Variants in SBF2 observed in about 807,000 individuals in gnomAD.
SBF2 encodes SET binding factor 2, also known as myotubularin-related protein 13.
In SBF2, 112 loss-of-function variants were observed where a neutral mutation model predicts 225.2. That is an observed-to-expected ratio of 0.50 (90% CI 0.43 to 0.58). The LOEUF (loss-of-function observed/expected upper bound fraction) is 0.58, where lower values mean the gene tolerates loss of function less well. Among genes scored for constraint, SBF2 ranks in the 20% least tolerant of loss-of-function variants. The pLI is 0.00. For missense variants in SBF2, 1,996 were observed against 2,206.2 expected (o/e 0.90, Z 1.91); for synonymous variants, 763 against 773.3 (o/e 0.99, Z 0.22).
intron 1 of SBF2, among the ~76,000 whole-genome samples, chr11:10,200,630 C>T: frequency 6.6e-6 from 1 of 152,096 alleles, no homozygotes; most frequent in Non-Finnish European, 1.5e-5. Context: ...CAGCTCAGTA[C>T]ATGCATTTTT....
At chr11:10,028,672 A>G in intron 5 of SBF2, 115 bp from the exon 6 acceptor site, 1 of 755,450 alleles carries the variant, frequency 1.3e-6, no homozygotes, top group South Asian at 1.4e-5. Flanking sequence ...GATCCAATTA[A>G]CAGATACAAA....
intron 2 of SBF2, among the ~76,000 whole-genome samples, chr11:10,107,774 T>G (rs1216721786): frequency 6.6e-6 from 1 of 152,218 alleles, no homozygotes; most frequent in African/African-American, 2.4e-5. Flanking sequence ...TTACGGCCCG[T>G]CCTAATACAG....
At chr11:10,066,837 G>C (rs1408750516) in intron 2 of SBF2, among the ~76,000 whole-genome samples, 1 of 152,178 alleles carries the variant, frequency 6.6e-6, no homozygotes, top group Non-Finnish European at 1.5e-5. Flanking sequence ...TCTACAAAGA[G>C]TGGACTCTAC....
chr11:10,022,070 C>T (rs1237415427), intron 6 of SBF2, among the ~76,000 whole-genome samples: 5 of 152,168 alleles, frequency 3.3e-5, no homozygotes, highest in African/African-American at 4.8e-5. Flanking sequence ...CGGCACACTT[C>T]ATCAGTACAC....
At chr11:10,192,618 TACA>T (rs1957218564) in intron 2 of SBF2, among the ~76,000 whole-genome samples, 1 of 152,220 alleles carries the variant, frequency 6.6e-6, no homozygotes, top group African/African-American at 2.4e-5. Flanking sequence ...ACTTTATCTT[TACA>T]ACAACCTATG....
At chr11:10,097,229 C>A (rs956485136) in intron 2 of SBF2, among the ~76,000 whole-genome samples, 6 of 152,222 alleles carry the variant, frequency 3.9e-5, no homozygotes, top group African/African-American at 1.4e-4. Flanking sequence ...TAGCAACAAG[C>A]ACTTGACAAC....
chr11:10,216,687 T>C (rs1958145042), intron 1 of SBF2, among the ~76,000 whole-genome samples: 1 of 152,028 alleles, frequency 6.6e-6, no homozygotes, highest in Non-Finnish European at 1.5e-5. Flanking sequence ...CTGGCCAACA[T>C]GATGAAACCC....
intron 16 of SBF2, among the ~76,000 whole-genome samples, chr11:9,936,639 T>C (rs1294818053): frequency 6.6e-6 from 1 of 152,194 alleles, no homozygotes; most frequent in Non-Finnish European, 1.5e-5. Flanking sequence ...AAGGATGAGT[T>C]CATGTCCTAT....
chr11:10,233,612 CA>C (rs35039499), intron 1 of SBF2, among the ~76,000 whole-genome samples: 58,774 of 134,070 alleles, frequency 0.44, 12,444 homozygotes, highest in Non-Finnish European at 0.51. Context: ...GATAATTCTC[CA>C]AAAAAAAAAA....
chr11:10,104,211 T>A (rs12146528), intron 2 of SBF2, among the ~76,000 whole-genome samples: 11,479 of 152,248 alleles, frequency 0.075, 580 homozygotes, highest in Middle Eastern at 0.14. Flanking sequence ...TGGTATCTCT[T>A]CTTAAATTTG....
intron 16 of SBF2, among the ~76,000 whole-genome samples, chr11:9,949,889 C>T (rs1318775688): frequency 6.6e-6 from 1 of 152,044 alleles, no homozygotes; most frequent in Non-Finnish European, 1.5e-5. Context: ...TTTTCAAGGA[C>T]ACCTGCATAG....
At chr11:9,965,296 A>G (rs1866828509) in intron 14 of SBF2, among the ~76,000 whole-genome samples, 2 of 147,844 alleles carry the variant, frequency 1.4e-5, no homozygotes, top group African/African-American at 2.5e-5. Flanking sequence ...AATGTTTTAA[A>G]CTTTTTTTTT....
chr11:10,151,122 TAC>T (rs1297434734), intron 2 of SBF2, among the ~76,000 whole-genome samples: 4 of 152,210 alleles, frequency 2.6e-5, no homozygotes, highest in African/African-American at 9.6e-5. Context: ...TATTCCAAAA[TAC>T]ACAGTCTCTT....
intron 17 of SBF2, among the ~76,000 whole-genome samples, chr11:9,867,399 G>T (rs541995437): frequency 6.6e-6 from 1 of 152,272 alleles, no homozygotes; most frequent in Non-Finnish European, 1.5e-5. Flanking sequence ...ACAGATGCCG[G>T]TAAGGACACA....
upstream of SBF2, among the ~76,000 whole-genome samples, chr11:10,297,770 A>C (rs1368212340): frequency 6.6e-6 from 1 of 152,252 alleles, no homozygotes; most frequent in Non-Finnish European, 1.5e-5. Context: ...AGAGATTTTA[A>C]CATATCCTAG....
At chr11:10,116,118 G>A (rs1349427067) in intron 2 of SBF2, among the ~76,000 whole-genome samples, 1 of 152,248 alleles carries the variant, frequency 6.6e-6, no homozygotes, top group South Asian at 2.1e-4. Context: ...GCCGTGAGCC[G>A]AGATCACGCC....
intron 4 of SBF2, among the ~76,000 whole-genome samples, chr11:10,030,089 C>T (rs1949200017): frequency 6.6e-6 from 1 of 152,132 alleles, no homozygotes; most frequent in Non-Finnish European, 1.5e-5. Context: ...TTATAGAAAG[C>T]AGAAATCCAT....
intron 2 of SBF2, among the ~76,000 whole-genome samples, chr11:10,133,435 C>T (rs1246548493): frequency 4.1e-5 from 6 of 147,724 alleles, no homozygotes; most frequent in African/African-American, 1.5e-4. Flanking sequence ...GGCTGCAGGT[C>T]CCGAGCCCTG....
intron 3 of SBF2, among the ~76,000 whole-genome samples, chr11:10,041,191 G>A (rs1326351071): frequency 2.0e-5 from 3 of 152,036 alleles, no homozygotes; most frequent in African/African-American, 7.2e-5. Flanking sequence ...ACAGAGAAAC[G>A]AAAGGCCAAT....
Sources: gnomAD v4.1 joint callset for allele counts (sites outside exome capture counted in the v4.1 genomes callset) on GRCh38, gnomAD v4.1.1 for gene constraint, MANE v1.5 for transcripts, NCBI Gene and HGNC (gene_info 2026-07-23, HGNC 2026-07-21) for gene names.